The following RBPMS variants were observed in gnomAD, a reference collection of about 807,000 sequenced individuals.
RBPMS encodes the protein RNA-binding protein with multiple splicing.
A neutral mutation model predicts 26.8 loss-of-function variants in RBPMS; 7 were observed. The ratio of observed to expected loss-of-function variants is 0.26; its 90% CI spans 0.15 to 0.49. The LOEUF (loss-of-function observed/expected upper bound fraction) is 0.49, where lower values mean the gene tolerates loss of function less well. Among genes scored for constraint, RBPMS ranks in the 20% least tolerant of loss-of-function variants. The pLI, the probability that RBPMS is intolerant of heterozygous loss-of-function variation, is 0.98. For missense variants in RBPMS, 186 were observed against 250.0 expected (o/e 0.74, Z 1.73); for synonymous variants, 96 against 93.3 (o/e 1.03, Z -0.17).
chr8:30,497,812 T>TG (rs1331902492), intron 4 of RBPMS, among the ~76,000 whole-genome samples: 7 of 151,526 alleles, frequency 4.6e-5, no homozygotes, highest in Non-Finnish European at 8.8e-5. Flanking sequence ...TTAGTAGAGA[T>TG]GGGGTTTCAC....
chr8:30,476,070 G>A (rs1817665653), intron 2 of RBPMS, among the ~76,000 whole-genome samples: 1 of 152,164 alleles, frequency 6.6e-6, no homozygotes, highest in East Asian at 1.9e-4. Context: ...TCTTCTTAGT[G>A]TATAAAATAC....
intron 1 of RBPMS, among the ~76,000 whole-genome samples, chr8:30,435,592 G>C (rs1812365199): frequency 6.6e-6 from 1 of 152,204 alleles, no homozygotes; most frequent in Non-Finnish European, 1.5e-5. Context: ...TTGTGGGTCA[G>C]AGGGTACTGT....
chr8:30,555,343 C>A (rs1026181662), intron 6 of RBPMS, among the ~76,000 whole-genome samples: 3 of 152,184 alleles, frequency 2.0e-5, no homozygotes, highest in Admixed American at 6.5e-5. Flanking sequence ...TAATAACTTA[C>A]CACTATTGTT....
intron 5 of RBPMS, among the ~76,000 whole-genome samples, chr8:30,539,678 T>C (rs1298403530): frequency 2.0e-5 from 3 of 150,800 alleles, no homozygotes; most frequent in Non-Finnish European, 4.4e-5. Flanking sequence ...CAGGCTGGAG[T>C]GCAGTGGTGT....
At chr8:30,475,602 T>A (rs1037427126) in intron 2 of RBPMS, among the ~76,000 whole-genome samples, 3 of 152,206 alleles carry the variant, frequency 2.0e-5, no homozygotes, top group African/African-American at 4.8e-5. Context: ...ATGGGCTGTC[T>A]TGATTTCTGG....
intron 1 of RBPMS, among the ~76,000 whole-genome samples, chr8:30,437,134 G>T (rs1262087642): frequency 6.6e-6 from 1 of 151,480 alleles, no homozygotes; most frequent in Non-Finnish European, 1.5e-5. Context: ...TGTTAGCCAG[G>T]ATGGTCTTGA....
intron 1 of RBPMS, among the ~76,000 whole-genome samples, chr8:30,456,225 A>G (rs1459032745): frequency 6.6e-6 from 1 of 152,198 alleles, no homozygotes; most frequent in East Asian, 1.9e-4. Flanking sequence ...TGACACTGCA[A>G]ATAAAATCGA....
intron 4 of RBPMS, among the ~76,000 whole-genome samples, chr8:30,492,733 A>G (rs537415591): frequency 1.2e-4 from 18 of 152,336 alleles, no homozygotes; most frequent in African/African-American, 4.1e-4. Flanking sequence ...TGGATTCACT[A>G]TGTAACCAAA....
chr8:30,464,422 C>G (rs1317064210), intron 1 of RBPMS, among the ~76,000 whole-genome samples: 1 of 152,120 alleles, frequency 6.6e-6, no homozygotes, highest in Non-Finnish European at 1.5e-5. Context: ...AAACCTCCCC[C>G]CACCCCAGCT....
intron 5 of RBPMS, among the ~76,000 whole-genome samples, chr8:30,539,385 G>A (rs1318730369): frequency 1.3e-5 from 2 of 152,034 alleles, no homozygotes; most frequent in East Asian, 1.9e-4. Context: ...GTATAGAAGG[G>A]ACCCCAAACT....
At chr8:30,497,686 G>A (rs1338216670) in intron 4 of RBPMS, among the ~76,000 whole-genome samples, 2 of 151,836 alleles carry the variant, frequency 1.3e-5, no homozygotes, top group African/African-American at 2.4e-5. Context: ...GCACCATCTC[G>A]GCTCACTGCA....
chr8:30,545,085 GA>G, intron 6 of RBPMS: 1 of 1,362,794 alleles, frequency 7.3e-7, no homozygotes, highest in Non-Finnish European at 9.5e-7. Context: ...TGACCAAAGG[GA>G]AAGCTTCCAG....
At chr8:30,479,776 T>C (rs751133422) in intron 4 of RBPMS, among the ~76,000 whole-genome samples, 1 of 151,598 alleles carries the variant, frequency 6.6e-6, no homozygotes, top group Non-Finnish European at 1.5e-5. Context: ...CTGGCTTTTT[T>C]TATTTCATGA....
chr8:30,533,977 A>G (rs1055279263), intron 5 of RBPMS, among the ~76,000 whole-genome samples: 3 of 152,072 alleles, frequency 2.0e-5, no homozygotes, highest in Admixed American at 1.3e-4. Flanking sequence ...TACTAAAAAT[A>G]TAAAAAATTA....
chr8:30,494,136 T>C (rs1254238366), intron 4 of RBPMS, among the ~76,000 whole-genome samples: 1 of 152,074 alleles, frequency 6.6e-6, no homozygotes, highest in Non-Finnish European at 1.5e-5. Context: ...CCAACAGACA[T>C]GGGGCAGGAG....
chr8:30,483,170 A>G (rs919544795), intron 4 of RBPMS, among the ~76,000 whole-genome samples: 2 of 152,086 alleles, frequency 1.3e-5, no homozygotes, highest in Non-Finnish European at 2.9e-5. Context: ...CTGCTAACCT[A>G]GAGATCTCTG....
chr8:30,429,501 C>T (rs774621696), intron 1 of RBPMS, among the ~76,000 whole-genome samples: 1 of 152,202 alleles, frequency 6.6e-6, no homozygotes, highest in Non-Finnish European at 1.5e-5. Flanking sequence ...GCCTCAACCA[C>T]CCCATCCAGT....
intron 4 of RBPMS, among the ~76,000 whole-genome samples, chr8:30,488,783 A>T (rs905732397): frequency 1.3e-5 from 2 of 152,228 alleles, no homozygotes; most frequent in Non-Finnish European, 2.9e-5. Context: ...TCTGCATAAC[A>T]TCAAGTGTTA....
At chr8:30,545,854 G>A (rs930815322) in intron 6 of RBPMS, among the ~76,000 whole-genome samples, 1 of 152,172 alleles carries the variant, frequency 6.6e-6, no homozygotes, top group Admixed American at 6.5e-5. Context: ...TCTATGTTGG[G>A]AGAAGAAGGG....
Sources: allele counts gnomAD v4.1 joint callset (sites outside exome capture counted in the v4.1 genomes callset), GRCh38; gene constraint gnomAD v4.1.1; transcripts MANE v1.5; gene names NCBI Gene and HGNC (gene_info 2026-07-23, HGNC 2026-07-21).